The following ATP10A variants were observed in gnomAD, a reference collection of about 807,000 sequenced individuals.
The protein encoded by ATP10A is phospholipid-transporting ATPase VA.
ATP10A carries 111 observed loss-of-function variants against 147.8 expected under a neutral mutation model. The ratio of observed to expected loss-of-function variants is 0.75; its 90% CI spans 0.64 to 0.88. The LOEUF (loss-of-function observed/expected upper bound fraction) is 0.88, where lower values mean the gene tolerates loss of function less well. Ranked by LOEUF, ATP10A falls within the 40% of genes least tolerant of loss-of-function variation. The pLI, the probability that ATP10A is intolerant of heterozygous loss-of-function variation, is 0.00. For missense variants in ATP10A, 1,927 were observed against 1,959.0 expected, an observed-to-expected ratio of 0.98 and a Z score of 0.31; for synonymous variants, 875 against 841.6, an observed-to-expected ratio of 1.04 and a Z score of -0.69.
At chr15:25,747,025 G>A (rs570235358) in intron 2 of ATP10A, among the ~76,000 whole-genome samples, 4 of 152,226 alleles carry the variant, frequency 2.6e-5, no homozygotes, top group South Asian at 4.1e-4. Flanking sequence ...GCTGGCTCAC[G>A]CCTGTAATCC....
chr15:25,725,915 GC>G, intron 5 of ATP10A, 35 bp downstream of exon 5: 1 of 1,583,570 alleles, frequency 6.3e-7, no homozygotes. Flanking sequence ...ACTGCGCCTG[GC>G]CCCCACTCAT....
chr15:25,720,891 C>A (rs12442719), intron 7 of ATP10A, among the ~76,000 whole-genome samples: 146,302 of 152,240 alleles, frequency 0.96, 70,401 homozygotes, highest in Non-Finnish European at 0.99. Flanking sequence ...TGCCCGCTTG[C>A]GTTCCCTCTG....
At chr15:25,850,645 C>CT (rs1893250030) in intron 1 of ATP10A, among the ~76,000 whole-genome samples, 3 of 150,498 alleles carry the variant, frequency 2.0e-5, no homozygotes, top group South Asian at 4.3e-4. Context: ...CCCTCCCTCC[C>CT]CCCCCAGCCC....
chr15:25,727,116 A>G, intron 4 of ATP10A, 44 bp downstream of exon 4: 2 of 1,395,896 alleles, frequency 1.4e-6, no homozygotes, highest in Non-Finnish European at 2.0e-6. Flanking sequence ...GCTGGAGAAC[A>G]CAGCGCTGTC....
chr15:25,718,076 GAC>G, intron 8 of ATP10A, 104 bp downstream of exon 8: 1 of 1,228,620 alleles, frequency 8.1e-7, no homozygotes, highest in East Asian at 2.5e-5. Flanking sequence ...GCCGCCCAGC[GAC>G]AGTGTATTTG....
At chr15:25,810,613 T>A (rs1280355363) in intron 1 of ATP10A, among the ~76,000 whole-genome samples, 2 of 152,060 alleles carry the variant, frequency 1.3e-5, no homozygotes, top group Non-Finnish European at 2.9e-5. Flanking sequence ...CCACCAGGGC[T>A]TTACCTCATA....
chr15:25,835,708 C>G (rs1292962908), intron 1 of ATP10A, among the ~76,000 whole-genome samples: 1 of 152,224 alleles, frequency 6.6e-6, no homozygotes, highest in Non-Finnish European at 1.5e-5. Flanking sequence ...TCATTGCTCA[C>G]TGAACCCCAA....
chr15:25,859,354 G>A (rs1273238389), intron 1 of ATP10A, among the ~76,000 whole-genome samples: 3 of 152,178 alleles, frequency 2.0e-5, no homozygotes. Flanking sequence ...CATCCCCCTC[G>A]ACTCTCACCA....
chr15:25,686,088 G>A (rs975967722), intron 16 of ATP10A, among the ~76,000 whole-genome samples: 3 of 152,256 alleles, frequency 2.0e-5, no homozygotes, highest in South Asian at 4.2e-4. Context: ...ATAGTCCCAG[G>A]CACAGCCTAA....
downstream of ATP10A, among the ~76,000 whole-genome samples, chr15:25,675,170 A>T (rs1409346258): frequency 6.6e-6 from 1 of 152,174 alleles, no homozygotes; most frequent in Non-Finnish European, 1.5e-5. Context: ...GGCCTGGCTC[A>T]GAAGGTGTTG....
At chr15:25,843,392 T>C (rs1892895173) in intron 1 of ATP10A, among the ~76,000 whole-genome samples, 1 of 152,042 alleles carries the variant, frequency 6.6e-6, no homozygotes, top group Non-Finnish European at 1.5e-5. Context: ...AGATGTGATT[T>C]AAACGGGGAG....
intron 10 of ATP10A, chr15:25,710,723 T>C (rs1298566180): frequency 6.6e-6 from 1 of 152,142 alleles, no homozygotes; most frequent in East Asian, 1.9e-4. Context: ...ATATACTGAT[T>C]ACTGCATGGT....
At chr15:25,694,197 CAG>C (rs1160348311) in intron 14 of ATP10A, among the ~76,000 whole-genome samples, 4 of 152,206 alleles carry the variant, frequency 2.6e-5, no homozygotes, top group African/African-American at 4.8e-5. Context: ...GAGGAGCAGA[CAG>C]GGCTCTCCAG....
At chr15:25,833,880 G>A (rs776116997) in intron 1 of ATP10A, among the ~76,000 whole-genome samples, 1 of 152,036 alleles carries the variant, frequency 6.6e-6, no homozygotes, top group Non-Finnish European at 1.5e-5. Context: ...GCTGAGGCAG[G>A]AGAAAGGAGT....
At chr15:25,709,228 T>C (rs1901239162) in intron 10 of ATP10A, 1 of 152,308 alleles carries the variant, frequency 6.6e-6, no homozygotes, top group Admixed American at 6.5e-5. Flanking sequence ...CAGAAAAGAC[T>C]CTTTATGGAG....
chr15:25,695,040 G>A lies in ATP10A; in HGVS notation c.2867C>T (p.Ser956Phe). 6 of 1,614,194 alleles carry A rather than the reference G, an allele frequency of 3.7e-6. No individual in the cohort carries two copies. The highest frequency in any genetic ancestry group is 5.1e-6 in the Non-Finnish European group (6 of 1,180,044). Reference sequence around the variant, plus strand: ...AGTGGACGTGGAGGGTGGGCAGAGAGAGGAGAACCTCATGCTCACTTTGCC... The same window carrying A: ...AGTGGACGTGGAGGGTGGGCAGAGAAAGGAGAACCTCATGCTCACTTTGCC... ...TKGKVSMRFS[S>F]LCPPSTSTAS... Residue 956 changes from serine (S) to phenylalanine (F), a missense_variant, in exon 14 of 21, where the codon TCT (serine) becomes TTT (phenylalanine). Transcript: ENST00000555815.
At chr15:25,716,949 G>A (rs1334074514) in intron 8 of ATP10A, 25 bp from the exon 9 acceptor site, 2 of 1,537,974 alleles carry the variant, frequency 1.3e-6, no homozygotes, top group Admixed American at 1.9e-5. Flanking sequence ...GGCTGGCAGT[G>A]AGTCCCACCC....
chr15:25,696,058 A>G (rs945214422), intron 13 of ATP10A, among the ~76,000 whole-genome samples: 1 of 152,068 alleles, frequency 6.6e-6, no homozygotes, highest in African/African-American at 2.4e-5. Context: ...GAGGCACAGG[A>G]GGGACCACCG....
At chr15:25,682,527 C>T (rs1022407197) in intron 17 of ATP10A, among the ~76,000 whole-genome samples, 8 of 152,130 alleles carry the variant, frequency 5.3e-5, no homozygotes, top group African/African-American at 9.7e-5. Context: ...GGACACACTC[C>T]CAGCGTCTTT....
Sources: gnomAD v4.1 joint callset for allele counts (sites outside exome capture counted in the v4.1 genomes callset) on GRCh38, gnomAD v4.1.1 for gene constraint, MANE v1.5 for transcripts, NCBI Gene and HGNC (gene_info 2026-07-23, HGNC 2026-07-21) for gene names.